The following ACCS variants were observed in gnomAD, a reference collection of about 807,000 sequenced individuals.
The protein encoded by ACCS is 1-aminocyclopropane-1-carboxylate synthase-like protein 1.
A neutral mutation model predicts 59.8 loss-of-function variants in ACCS; 42 were observed. That is an observed-to-expected ratio of 0.70 (90% CI 0.55 to 0.91). The LOEUF (loss-of-function observed/expected upper bound fraction) is 0.91, where lower values mean the gene tolerates loss of function less well. ACCS is among the 40% of genes least tolerant of loss of function. The pLI is 0.00. For synonymous variants in ACCS, 230 were observed against 240.3 expected (o/e 0.96, Z 0.40); for missense variants, 602 against 630.4 (o/e 0.95, Z 0.48).
At chr11:44,077,469 C>G in intron 7 of ACCS, 93 bp downstream of exon 7, 1 of 1,577,574 alleles carries the variant, frequency 6.3e-7, no homozygotes, top group African/African-American at 1.3e-5. Flanking sequence ...GCTGAGGGCT[C>G]TGGGGTTGTG....
rs201354454 is a variant in ACCS, at chr11:44,079,122, TACAATCCTTACA to T, written c.833+359_833+370del. The T allele has an allele frequency of 2.3e-3, 855 of 378,346 alleles. 5 individuals are homozygous for T. Among genetic ancestry groups the T allele is most frequent in the African/African-American group, 8.5e-3 (419 of 49,488 alleles). The allele number at this position is 378,346 out of a possible 1,614,324, so 23.4% of individuals were successfully genotyped here. On this transcript the variant is annotated intron_variant, in intron 9 of 14. Coordinates refer to ENST00000263776, the MANE Select transcript of ACCS (RefSeq NM_032592.4). ...CATACAATCCTCACAACAACCCTCATACAATCCTTACAACAATCCTTACAACAATCCTCACAA... is the reference window on the plus strand; with the variant it reads ...CATACAATCCTCACAACAACCCTCATACAATCCTTACAACAATCCTCACAA...
chr11:44,083,979 TG>T lies in ACCS; in HGVS notation c.*190del, dbSNP rs1335161625. On this transcript the variant is annotated 3_prime_UTR_variant, in exon 15 of 15. Transcript: ENST00000263776. ...AAACTCCTTAAGCTGTGGTTCAGCCTGGGCCCTCCCTCTCTCCTATTAAACA... is the reference window on the plus strand; with the variant it reads ...AAACTCCTTAAGCTGTGGTTCAGCCTGGCCCTCCCTCTCTCCTATTAAACA... 1 of 1,314,308 alleles carries T rather than the reference TG, an allele frequency of 7.6e-7. No individual in the cohort carries two copies. Among genetic ancestry groups the T allele is most frequent in the East Asian group, 2.6e-5 (1 of 38,618 alleles). 81.4% of individuals were successfully genotyped at this position (1,314,308 alleles called of 1,614,324 possible).
intron 9 of ACCS, 83 bp downstream of exon 9, chr11:44,078,867 T>C (rs1953502833): frequency 4.2e-6 from 5 of 1,186,500 alleles, no homozygotes; most frequent in South Asian, 1.3e-5. Flanking sequence ...TTTTCTACTC[T>C]CTTGACCCCA....
chr11:44,073,385 T>C (rs1953154911), intron 3 of ACCS, 62 bp from the exon 4 acceptor site: 1 of 1,378,982 alleles, frequency 7.3e-7, no homozygotes, highest in African/African-American at 1.4e-5. Flanking sequence ...TTACCTGCCC[T>C]GTGCTGTGGA....
At chr11:44,079,065 A>T in intron 9 of ACCS, 1 of 452,286 alleles carries the variant, frequency 2.2e-6, no homozygotes, top group Admixed American at 3.5e-5. Context: ...CAATGCTATC[A>T]TACAATCCTC....
rs756040214 is a variant in ACCS at position 44,083,408 on chromosome 11, C to T, written c.1255-16C>T. 6.2e-7 allele frequency: 1 copy of T among 1,614,020 alleles called. No individual in the cohort carries two copies. Among genetic ancestry groups the T allele is most frequent in the Non-Finnish European group, 8.5e-7 (1 of 1,179,964 alleles). On this transcript the variant is annotated splice_polypyrimidine_tract_variant and intron_variant, in intron 13 of 14. Coordinates refer to ENST00000263776, the MANE Select transcript of ACCS (RefSeq NM_032592.4). ...AGGGGTCTCAGCTATGTCCTGAGCC[C>T]CTTCCACCCTCTCAGTACCTGCCCA... is the stretch of plus-strand genomic sequence containing the variant.
In ACCS at chr11:44,083,170, C is replaced by T; in HGVS notation, c.1113C>T (p.Asp371=). Residue 371 remains aspartate (D), a splice_region_variant and synonymous_variant, in exon 13 of 15, where the codon GAC becomes GAT. Coordinates refer to ENST00000263776, the MANE Select transcript of ACCS (RefSeq NM_032592.4). Reference sequence around the variant, plus strand: ...TTCTGGCCTCTTTCACCCAAACAGACTGGATCAACCAGGTGTACCTGCCGG... The same window carrying T: ...TTCTGGCCTCTTTCACCCAAACAGATTGGATCAACCAGGTGTACCTGCCGG... ...YQMAQLLRDR[D]WINQVYLPEN... 6.2e-7 allele frequency: 1 copy of T among 1,613,952 alleles called. No homozygotes were observed. The highest frequency in any genetic ancestry group is 1.1e-5 in the South Asian group (1 of 91,082).
intron 2 of ACCS, 146 bp downstream of exon 2, chr11:44,068,061 T>G: frequency 1.2e-6 from 1 of 868,754 alleles, no homozygotes; most frequent in Non-Finnish European, 1.7e-6. Flanking sequence ...TGATGTAGCT[T>G]AGAGAGGCCC....
chr11:44,080,923 C>G (rs1953608375), intron 10 of ACCS, 97 bp from the exon 11 acceptor site: 1 of 1,488,062 alleles, frequency 6.7e-7, no homozygotes, highest in Non-Finnish European at 9.3e-7. Flanking sequence ...GGAACCAAAA[C>G]TAGATTCAAC....
In ACCS at chr11:44,081,185, G is replaced by A. The variant is rs1002013322; in HGVS notation, c.976G>A (p.Gly326Arg). Residue 326 changes from glycine (G) to arginine (R), a missense_variant, in exon 12 of 15, where the codon GGG (glycine) becomes AGG (arginine). Coordinates refer to ENST00000263776, the MANE Select transcript of ACCS (RefSeq NM_032592.4). ...AGGGTGCTTCTTCCTGCAGGACTTC[G>A]GGATGTCTGGGCTCCGCTTTGGCAC... is the stretch of plus-strand genomic sequence containing the variant. ...HVMWATSKDF[G>R]MSGLRFGTLY... 4.3e-6 allele frequency: 7 copies of A among 1,614,076 alleles called. No homozygotes were observed. The East Asian group carries it at 1.1e-4, about 26-fold the overall frequency.
chr11:44,084,019 C>T lies in ACCS; in HGVS notation c.*227C>T, dbSNP rs1052605156. 1.4e-5 allele frequency: 11 copies of T among 806,876 alleles called. No homozygotes were observed. In the East Asian group the frequency reaches 3.4e-4, roughly 25 times the overall value. The allele number at this position is 806,876 out of a possible 1,614,324, so 50.0% of individuals were successfully genotyped here. A position where few individuals can be genotyped will look rare whatever the true frequency, so the allele number is the denominator to read the frequency against. On this transcript the variant is annotated 3_prime_UTR_variant, in exon 15 of 15. Transcript: ENST00000263776. ...TCCTATTAAACAAAACTAGGAGAGT[C>T]CATATGTCTCCATTGTGAGTTATTT...
chr11:44,071,328 G>T lies in ACCS; in HGVS notation c.348+13G>T. ...GCTGTCCTGGCGGGTAAGTCCTAGGGCCCCTCTAGGGGGCATCACCAGCTC... is the reference window on the plus strand; with the variant it reads ...GCTGTCCTGGCGGGTAAGTCCTAGGTCCCCTCTAGGGGGCATCACCAGCTC... On this transcript the variant is annotated intron_variant, in intron 3 of 14. Transcript: ENST00000263776. 6.2e-7 allele frequency: 1 copy of T among 1,613,646 alleles called. No homozygotes were observed. The highest frequency in any genetic ancestry group is 8.5e-7 in the Non-Finnish European group (1 of 1,179,650).
At chr11:44,075,674 C>T (rs1953325772) in intron 6 of ACCS, 82 bp downstream of exon 6, 2 of 1,510,058 alleles carry the variant, frequency 1.3e-6, no homozygotes, top group Non-Finnish European at 1.8e-6. Flanking sequence ...TCAAGGGCTG[C>T]AATAGTATGC....
rs150697417 is a variant in ACCS, at chr11:44,083,470, G to A, written c.1301G>A (p.Arg434His). 2.8e-5 allele frequency: 45 copies of A among 1,614,074 alleles called. No homozygotes were observed. The highest frequency in any genetic ancestry group is 1.6e-4 in the South Asian group (15 of 91,088). The change falls in exon 14 of 15, where the codon CGC becomes CAC. Residue 434 changes from arginine to histidine, a missense_variant. Transcript: ENST00000263776. The part of the protein sequence containing the change: ...TFEEEMLLWR[R>H]FLDNKVLLSF... ...GAGGAGGAAATGCTGCTCTGGCGCC[G>A]CTTTTTGGACAACAAGGTGCTGCTG...
chr11:44,067,391 A>G (rs1048349921), intron 1 of ACCS: 1 of 471,234 alleles, frequency 2.1e-6, no homozygotes, highest in Non-Finnish European at 3.7e-6. Context: ...GCAATACATT[A>G]AAGTCACGTC....
intron 4 of ACCS, among the ~76,000 whole-genome samples, chr11:44,073,883 G>A (rs1175609573): frequency 6.6e-6 from 1 of 152,230 alleles, no homozygotes; most frequent in Admixed American, 6.5e-5. Context: ...CTTTAGAGAA[G>A]CCAGAATTGC....
At position 44,075,466 on chromosome 11, in the gene ACCS, C is replaced by T. The variant is rs368660669; in HGVS notation, c.490-60C>T. ...CACTCTGTGCTGTCCTGGGAGGCTG[C>T]GGGTCCGTGCACACTCCTGGAACTG... On this transcript the variant is annotated intron_variant, in intron 5 of 14. Coordinates refer to ENST00000263776, the MANE Select transcript of ACCS (RefSeq NM_032592.4). 1.6e-3 allele frequency: 2,525 copies of T among 1,569,472 alleles called. 3 individuals are homozygous for T. The highest frequency in any genetic ancestry group is 2.0e-3 in the Non-Finnish European group (2,311 of 1,140,652).
intron 7 of ACCS, 21 bp downstream of exon 7, chr11:44,077,397 G>A (rs774057263): frequency 3.1e-6 from 5 of 1,613,154 alleles, no homozygotes; most frequent in African/African-American, 1.3e-5. Flanking sequence ...TGACTTCCTA[G>A]GTGGAACCTG....
At chr11:44,080,304 T>A (rs1004905509) in intron 10 of ACCS, among the ~76,000 whole-genome samples, 1 of 152,208 alleles carries the variant, frequency 6.6e-6, no homozygotes, top group Non-Finnish European at 1.5e-5. Context: ...TTCCGGCTGT[T>A]TGTTCAGAAC....
Sources: allele counts gnomAD v4.1 joint callset (sites outside exome capture counted in the v4.1 genomes callset), GRCh38; gene constraint gnomAD v4.1.1; transcripts MANE v1.5; gene names NCBI Gene and HGNC (gene_info 2026-07-23, HGNC 2026-07-21).